Variants in ZNF366 observed in about 807,000 individuals in gnomAD.
ZNF366 encodes the protein dendritic cell-specific transcript protein.
A neutral mutation model predicts 47.2 loss-of-function variants in ZNF366; 20 were observed. The ratio of observed to expected loss-of-function variants is 0.42; its 90% CI spans 0.30 to 0.62. The LOEUF (loss-of-function observed/expected upper bound fraction) is 0.62, where lower values mean the gene tolerates loss of function less well. ZNF366 is among the 20% of genes least tolerant of loss of function. The pLI is 0.16. For synonymous variants in ZNF366, 421 were observed against 395.1 expected, an observed-to-expected ratio of 1.07 and a Z score of -0.78; for missense variants, 987 against 976.3, an observed-to-expected ratio of 1.01 and a Z score of -0.15.
intron 2 of ZNF366, among the ~76,000 whole-genome samples, chr5:72,458,531 G>A (rs1028655954): frequency 9.2e-5 from 14 of 152,326 alleles, no homozygotes; most frequent in African/African-American, 2.6e-4. Flanking sequence ...CTCTCTGATA[G>A]GATCAGTGGA....
rs1455286871 is a variant in ZNF366, at chr5:72,507,350, A to G, written c.-114T>C. 5.1e-6 allele frequency: 5 copies of G among 985,418 alleles called. No homozygotes were observed. Among genetic ancestry groups the G allele is most frequent in the Non-Finnish European group, 6.0e-6 (5 of 830,010 alleles). The allele number at this position is 985,418 out of a possible 1,614,324, so 61.0% of individuals were successfully genotyped here. ...CTCTCTCTCCCTCTTTCTCTTGTGTACAGATTGCAGGGAACTTAAAGAACT... is the reference window on the plus strand; with the variant it reads ...CTCTCTCTCCCTCTTTCTCTTGTGTGCAGATTGCAGGGAACTTAAAGAACT... On this transcript the variant is annotated 5_prime_UTR_variant, in exon 1 of 5. Transcript: ENST00000318442.
At chr5:72,445,944 A>T (rs1265044810) in intron 4 of ZNF366, among the ~76,000 whole-genome samples, 1 of 152,244 alleles carries the variant, frequency 6.6e-6, no homozygotes, top group East Asian at 1.9e-4. Context: ...TCCAGGAGTC[A>T]CTAGAAACTC....
At chr5:72,449,941 G>T (rs953520091) in intron 3 of ZNF366, among the ~76,000 whole-genome samples, 9 of 152,152 alleles carry the variant, frequency 5.9e-5, no homozygotes, top group Admixed American at 2.6e-4. Context: ...ACTAGTCCAG[G>T]CATGAACGGG....
intron 1 of ZNF366, among the ~76,000 whole-genome samples, chr5:72,506,189 T>G (rs2112362222): frequency 6.6e-6 from 1 of 152,360 alleles, no homozygotes; most frequent in East Asian, 1.9e-4. Context: ...AGTGAATATT[T>G]TTAAAAAGTA....
chr5:72,468,032 A>T (rs900881249), intron 1 of ZNF366, among the ~76,000 whole-genome samples: 2 of 152,186 alleles, frequency 1.3e-5, no homozygotes, highest in African/African-American at 4.8e-5. Context: ...CTGAAGAGGG[A>T]TTTTTAAGTC....
intron 1 of ZNF366, among the ~76,000 whole-genome samples, chr5:72,502,618 C>G (rs1744230231): frequency 6.6e-6 from 1 of 152,120 alleles, no homozygotes. Context: ...TTTTGCCTTT[C>G]TACATCACCA....
At chr5:72,473,710 T>A (rs1743615267) in intron 1 of ZNF366, among the ~76,000 whole-genome samples, 1 of 152,218 alleles carries the variant, frequency 6.6e-6, no homozygotes, top group South Asian at 2.1e-4. Flanking sequence ...TCAAATCCTA[T>A]GACATTAAAC....
At chr5:72,470,284 T>A (rs546589464) in intron 1 of ZNF366, among the ~76,000 whole-genome samples, 78 of 152,312 alleles carry the variant, frequency 5.1e-4, no homozygotes, top group Middle Eastern at 3.4e-3. Context: ...CACCAGATGC[T>A]GCTCTCCCAT....
intron 1 of ZNF366, among the ~76,000 whole-genome samples, chr5:72,473,436 T>C (rs1050388938): frequency 2.0e-5 from 3 of 152,220 alleles, no homozygotes; most frequent in African/African-American, 4.8e-5. Flanking sequence ...CAAATGTCAA[T>C]TCCTCTACCT....
In ZNF366 at chr5:72,461,103, A is replaced by G. The variant is rs747077471; in HGVS notation, c.394T>C (p.Cys132Arg). 8.7e-6 allele frequency: 14 copies of G among 1,613,886 alleles called. No individual in the cohort carries two copies. In the Admixed American group the frequency reaches 1.3e-4, roughly 15 times the overall value. ...CGGTAGAATTGGAAGCCCACGTTGC[A>G]CAGGTCGATCATCTGAGAGTCATAC... ...PKYDSQMIDL[C>R]NVGFQFYRSL... Residue 132 changes from cysteine to arginine, a missense_variant, in exon 2 of 5, where the codon TGC becomes CGC. Physicochemically the swap from Cys to Arg is radical, Grantham distance 180. Transcript: ENST00000318442.
chr5:72,468,834 T>C (rs1278052540), intron 1 of ZNF366, among the ~76,000 whole-genome samples: 2 of 152,118 alleles, frequency 1.3e-5, no homozygotes, highest in East Asian at 3.9e-4. Context: ...AGGAAATGAA[T>C]TGGAGATATG....
chr5:72,498,139 AT>A (rs745651992), intron 1 of ZNF366, among the ~76,000 whole-genome samples: 33 of 152,268 alleles, frequency 2.2e-4, no homozygotes, highest in African/African-American at 3.9e-4. Context: ...CGAAAAAAAA[AT>A]ATCTCTACAG....
chr5:72,460,951 C>T lies in ZNF366; in HGVS notation c.546G>A (p.Pro182=), dbSNP rs755769492. ...TPYPYYPKVH[P]GLMFPFFVPS... is the part of the protein sequence containing the mutation. ...GCACGAAGAAGGGGAACATGAGGCC[C>T]GGGTGGACTTTGGGGTAGTAGGGGT... Residue 182 remains proline, a synonymous_variant, in exon 2 of 5, where the codon CCG becomes CCA. Transcript: ENST00000318442. The T allele has an allele frequency of 2.0e-5, 33 of 1,612,052 alleles. No homozygotes were observed. The highest frequency in any genetic ancestry group is 8.9e-5 in the East Asian group (4 of 44,828).
At chr5:72,488,976 A>G (rs1260393620) in intron 1 of ZNF366, among the ~76,000 whole-genome samples, 1 of 152,204 alleles carries the variant, frequency 6.6e-6, no homozygotes, top group Non-Finnish European at 1.5e-5. Context: ...GCATTTTCCT[A>G]TCCCTTTATA....
intron 1 of ZNF366, among the ~76,000 whole-genome samples, chr5:72,477,400 T>C (rs898739150): frequency 2.6e-5 from 4 of 152,214 alleles, no homozygotes; most frequent in Admixed American, 6.5e-5. Flanking sequence ...GCTAATGGCA[T>C]TGAAATGGCT....
At chr5:72,475,333 T>C (rs1177555819) in intron 1 of ZNF366, among the ~76,000 whole-genome samples, 1 of 152,154 alleles carries the variant, frequency 6.6e-6, no homozygotes, top group Non-Finnish European at 1.5e-5. Context: ...TCTGCAAAGA[T>C]CTTCCTTCTA....
At position 72,498,048 on chromosome 5, in the gene ZNF366, T is replaced by A. The variant is rs182567851; in HGVS notation, c.-15+9203A>T. Among the ~76,000 whole-genome samples, 180 of 152,262 alleles carry A rather than the reference T, an allele frequency of 1.2e-3. 1 individual carries two copies. The Middle Eastern group carries it at 0.017, about 14-fold the overall frequency. ...ATTGAGTTTTGGCCCTGCAGAAGCTTTTTATTGTAATGCAATAAAATGCAT... is the reference window on the plus strand; with the variant it reads ...ATTGAGTTTTGGCCCTGCAGAAGCTATTTATTGTAATGCAATAAAATGCAT... On this transcript the variant is annotated intron_variant, in intron 1 of 4. Transcript: ENST00000318442.
chr5:72,447,544 T>C, intron 3 of ZNF366, 127 bp from the exon 4 acceptor site: 1 of 1,147,238 alleles, frequency 8.7e-7, no homozygotes, highest in Middle Eastern at 3.1e-4. Context: ...GCAAGGAAAA[T>C]GTCCATAAGG....
intron 3 of ZNF366, among the ~76,000 whole-genome samples, chr5:72,449,248 GTTT>G (rs34857525): frequency 2.8e-5 from 4 of 144,124 alleles, no homozygotes; most frequent in Admixed American, 6.9e-5. Context: ...TGGCTGAAAG[GTTT>G]TTTTTTTTTT....
Sources: gnomAD v4.1 joint callset for allele counts (sites outside exome capture counted in the v4.1 genomes callset) on GRCh38, gnomAD v4.1.1 for gene constraint, MANE v1.5 for transcripts, NCBI Gene and HGNC (gene_info 2026-07-23, HGNC 2026-07-21) for gene names.